CCDC73: variants seen among roughly 807,000 people sequenced by gnomAD.
The protein encoded by CCDC73 is coiled-coil domain-containing protein 73.
In CCDC73, 95 loss-of-function variants were observed where a neutral mutation model predicts 116.5. The observed-to-expected ratio is 0.82, with a 90% CI of 0.69 to 0.97. CCDC73 has a LOEUF of 0.97. CCDC73 is among the 50% of genes least tolerant of loss of function. The probability of loss-of-function intolerance (pLI) is 0.00; values close to 1 mark genes in which losing one functional copy is unlikely to be tolerated. For synonymous variants in CCDC73, 398 were observed against 401.3 expected (o/e 0.99, Z 0.10); for missense variants, 1,066 against 1,206.8 (o/e 0.88, Z 1.73).
the CCDC73 span, among the ~76,000 whole-genome samples, chr11:32,817,282 T>C: frequency 5.3e-5 from 8 of 152,350 alleles, no homozygotes; most frequent in Admixed American, 1.3e-4. Flanking sequence ...AGCTACATCT[T>C]TGCATACATC....
intron 1 of CCDC73, among the ~76,000 whole-genome samples, chr11:32,774,444 A>T (rs1850515372): frequency 6.6e-6 from 1 of 152,176 alleles, no homozygotes; most frequent in Non-Finnish European, 1.5e-5. Context: ...AAATAAATGG[A>T]TGTGGTCAAT....
At chr11:32,621,615 A>G (rs1855523795) in intron 14 of CCDC73, among the ~76,000 whole-genome samples, 4 of 152,234 alleles carry the variant, frequency 2.6e-5, no homozygotes, top group Admixed American at 2.6e-4. Flanking sequence ...AGGCATGGGC[A>G]AAGATTTTAT....
intron 2 of CCDC73, among the ~76,000 whole-genome samples, chr11:32,751,176 T>C (rs890881554): frequency 6.6e-6 from 1 of 152,206 alleles, no homozygotes; most frequent in Non-Finnish European, 1.5e-5. Flanking sequence ...GTGGCAAAGC[T>C]GGTATCCAAG....
intron 14 of CCDC73, among the ~76,000 whole-genome samples, chr11:32,632,798 A>C (rs1855643732): frequency 6.6e-6 from 1 of 152,108 alleles, no homozygotes; most frequent in African/African-American, 2.4e-5. Context: ...AACCGAATGA[A>C]AATGAAAAAA....
At chr11:32,724,991 C>CA (rs1165281394) in intron 2 of CCDC73, among the ~76,000 whole-genome samples, 1 of 152,004 alleles carries the variant, frequency 6.6e-6, no homozygotes, top group African/African-American at 2.4e-5. Flanking sequence ...TTTAAACATT[C>CA]AATTTTTTTC....
At chr11:32,771,106 C>A (rs772517383) in intron 1 of CCDC73, among the ~76,000 whole-genome samples, 24 of 152,116 alleles carry the variant, frequency 1.6e-4, no homozygotes, top group Non-Finnish European at 3.1e-4. Flanking sequence ...TTCATAGAAA[C>A]CACAGAAAGT....
chr11:32,609,747 G>A (rs1483544688), intron 17 of CCDC73, among the ~76,000 whole-genome samples: 1 of 152,070 alleles, frequency 6.6e-6, no homozygotes, highest in Non-Finnish European at 1.5e-5. Flanking sequence ...ATGTGGCTGG[G>A]GAGGCCTCAT....
intron 9 of CCDC73, among the ~76,000 whole-genome samples, chr11:32,665,209 T>C (rs892015745): frequency 2.6e-5 from 4 of 152,304 alleles, no homozygotes; most frequent in Non-Finnish European, 5.9e-5. Context: ...TTCCTGGATA[T>C]CCTTTTTAAC....
At chr11:32,797,574 C>G (rs1850735446), upstream of CCDC73, among the ~76,000 whole-genome samples, 1 of 152,238 alleles carries the variant, frequency 6.6e-6, no homozygotes, top group Non-Finnish European at 1.5e-5. Flanking sequence ...GGTGCAATCA[C>G]TCGACTCTAC....
upstream of CCDC73, among the ~76,000 whole-genome samples, chr11:32,796,049 C>G (rs1023926636): frequency 1.3e-5 from 2 of 152,116 alleles, no homozygotes; most frequent in Non-Finnish European, 2.9e-5. Flanking sequence ...ATTCTTTTTA[C>G]TCCTTCCCTT....
intron 14 of CCDC73, among the ~76,000 whole-genome samples, chr11:32,633,046 C>T (rs1490999175): frequency 6.6e-6 from 1 of 151,990 alleles, no homozygotes; most frequent in Non-Finnish European, 1.5e-5. Flanking sequence ...GAAATCAAAA[C>T]CTGTTTTTTG....
intron 2 of CCDC73, among the ~76,000 whole-genome samples, chr11:32,741,384 T>A (rs996611512): frequency 6.6e-6 from 1 of 152,176 alleles, no homozygotes; most frequent in Non-Finnish European, 1.5e-5. Flanking sequence ...ACAACTGTTA[T>A]ATCCTCTTTC....
chr11:32,620,610 C>CAAAAAAAAAAAAAAAAA (rs57643752), intron 14 of CCDC73, among the ~76,000 whole-genome samples: 1 of 61,340 alleles, frequency 1.6e-5, no homozygotes, highest in Non-Finnish European at 2.8e-5. Flanking sequence ...GACTCAGTCT[C>CAAAAAAAAAAAAAAAAA]AAAAAAAAAA....
chr11:32,745,513 C>G lies in CCDC73; in HGVS notation c.135+14596G>C, dbSNP rs1003136072. Among the ~76,000 whole-genome samples, 6 of 152,042 alleles carry G rather than the reference C, an allele frequency of 3.9e-5. No individual in the cohort carries two copies. In the South Asian group the frequency reaches 8.3e-4, roughly 21 times the overall value. ...TTGACATTGGGGTGTTAAAGTCTCC[C>G]ACTATTATTGTGTGGGAGTCTAAGT... On this transcript the variant is annotated intron_variant, in intron 2 of 17. Coordinates refer to ENST00000335185, the MANE Select transcript of CCDC73 (RefSeq NM_001008391.4).
At chr11:32,665,736 G>T (rs1159442956) in intron 9 of CCDC73, among the ~76,000 whole-genome samples, 2 of 152,156 alleles carry the variant, frequency 1.3e-5, no homozygotes, top group Non-Finnish European at 2.9e-5. Context: ...GTTAGTTGAT[G>T]CAGTTTCTTC....
the CCDC73 span, among the ~76,000 whole-genome samples, chr11:32,813,865 T>C: frequency 1.3e-5 from 2 of 152,212 alleles, no homozygotes; most frequent in African/African-American, 4.8e-5. Flanking sequence ...TTCAGGAGTG[T>C]CTTAAGTTAT....
intron 3 of CCDC73, 82 bp downstream of exon 3, chr11:32,717,994 T>C: frequency 1.1e-6 from 1 of 909,572 alleles, no homozygotes; most frequent in East Asian, 2.5e-5. Flanking sequence ...ACCTTGTCTC[T>C]CCCTTGACAC....
chr11:32,748,325 T>TA (rs1850258414), intron 2 of CCDC73, among the ~76,000 whole-genome samples: 1 of 152,194 alleles, frequency 6.6e-6, no homozygotes, highest in African/African-American at 2.4e-5. Flanking sequence ...AGGTTACCAT[T>TA]AGGCTTGCAA....
At chr11:32,703,060 G>A in intron 3 of CCDC73, 116 bp from the exon 4 acceptor site, 1 of 759,290 alleles carries the variant, frequency 1.3e-6, no homozygotes, top group Non-Finnish European at 2.3e-6. Flanking sequence ...ATATTATTTT[G>A]TGTTCCTGGA....
Sources: allele counts gnomAD v4.1 joint callset (sites outside exome capture counted in the v4.1 genomes callset), GRCh38; gene constraint gnomAD v4.1.1; transcripts MANE v1.5; gene names NCBI Gene and HGNC (gene_info 2026-07-23, HGNC 2026-07-21).